The following SGCD variants were observed in gnomAD, a reference collection of about 807,000 sequenced individuals.
The protein encoded by SGCD is sarcoglycan delta.
In SGCD, 18 loss-of-function variants were observed where a neutral mutation model predicts 36.6. That is an observed-to-expected ratio of 0.49 (90% CI 0.34 to 0.73). SGCD has a LOEUF of 0.73. Ranked by LOEUF, SGCD falls within the 30% of genes least tolerant of loss-of-function variation. SGCD has a pLI of 0.01. For synonymous variants in SGCD, 133 were observed against 130.6 expected, an observed-to-expected ratio of 1.02 and a Z score of -0.12; for missense variants, 387 against 346.7, an observed-to-expected ratio of 1.12 and a Z score of -0.92.
In SGCD at chr5:155,983,399, G is replaced by A. The variant is rs537261549; in HGVS notation, c.-282+112975G>A. 1.5e-3 allele frequency among the ~76,000 whole-genome samples: 232 copies of A among 152,192 alleles called. 1 individual carries two copies. The highest frequency in any genetic ancestry group is 5.2e-3 in the African/African-American group (218 of 41,530). The stretch of plus-strand genomic sequence containing the variant: ...ACTGCAACCTCCACCTCCCAGGTTC[G>A]AGTGATTCTCCTGTCTCAGCCTCCC... On this transcript the variant is annotated intron_variant, in intron 1 of 9. Coordinates refer to the SGCD transcript ENST00000517913.
At chr5:156,725,732 G>A (rs1307370582) in intron 7 of SGCD, among the ~76,000 whole-genome samples, 4 of 152,200 alleles carry the variant, frequency 2.6e-5, no homozygotes, top group Non-Finnish European at 5.9e-5. Flanking sequence ...TCTGCCCACT[G>A]CCTGCTCAGC....
chr5:156,304,476 A>T (rs1031994667), intron 3 of SGCD, among the ~76,000 whole-genome samples: 2 of 152,118 alleles, frequency 1.3e-5, no homozygotes, highest in African/African-American at 4.8e-5. Context: ...CTTGCCTTCC[A>T]CCATGATTAT....
chr5:156,437,077 TA>T (rs1409679110), intron 3 of SGCD, among the ~76,000 whole-genome samples: 3 of 152,154 alleles, frequency 2.0e-5, no homozygotes, highest in African/African-American at 7.2e-5. Flanking sequence ...TACCAAACAT[TA>T]TCCTTTAAAA....
intron 3 of SGCD, among the ~76,000 whole-genome samples, chr5:156,306,410 G>C (rs1477325036): frequency 1.3e-5 from 2 of 152,210 alleles, no homozygotes; most frequent in Non-Finnish European, 1.5e-5. Context: ...CTTCTGCTGT[G>C]ATTGTGGGGC....
At chr5:156,528,926 G>T (rs1381050895) in intron 4 of SGCD, among the ~76,000 whole-genome samples, 4 of 152,138 alleles carry the variant, frequency 2.6e-5, no homozygotes, top group Non-Finnish European at 5.9e-5. Context: ...CATCCCAGCT[G>T]TCTAGAATGA....
At chr5:156,522,350 AAGAT>A (rs1324008856) in intron 4 of SGCD, among the ~76,000 whole-genome samples, 5 of 152,190 alleles carry the variant, frequency 3.3e-5, no homozygotes, top group Admixed American at 2.0e-4. Flanking sequence ...AATAATAAAA[AAGAT>A]ACTAAAAAAG....
At chr5:156,179,145 T>C (rs189326576) in intron 3 of SGCD, among the ~76,000 whole-genome samples, 252 of 152,348 alleles carry the variant, frequency 1.7e-3, no homozygotes, top group Non-Finnish European at 2.0e-3. Flanking sequence ...ATGTGTTTTA[T>C]AGACATTTGG....
chr5:156,292,594 C>T (rs1281946606), intron 3 of SGCD, among the ~76,000 whole-genome samples: 2 of 152,054 alleles, frequency 1.3e-5, no homozygotes, highest in Non-Finnish European at 2.9e-5. Flanking sequence ...ACTCTGCTTT[C>T]CATTATTTTT....
intron 4 of SGCD, among the ~76,000 whole-genome samples, chr5:156,524,285 A>C (rs1338294968): frequency 2.0e-5 from 2 of 98,834 alleles, no homozygotes; most frequent in African/African-American, 8.0e-5. Context: ...TAATATATAT[A>C]GTTATATATA....
chr5:155,869,962 C>T (rs549244497), upstream of SGCD, among the ~76,000 whole-genome samples: 3 of 152,206 alleles, frequency 2.0e-5, no homozygotes, highest in East Asian at 3.9e-4. Flanking sequence ...GATCGCACTA[C>T]TGCACTCCTG....
chr5:156,362,571 G>A (rs540352803), intron 3 of SGCD, among the ~76,000 whole-genome samples: 19 of 152,212 alleles, frequency 1.2e-4, no homozygotes, highest in Admixed American at 4.6e-4. Context: ...ACTTGAACCC[G>A]GGAGGCAGAG....
chr5:156,550,344 T>C (rs147486216), intron 4 of SGCD, among the ~76,000 whole-genome samples: 1 of 152,322 alleles, frequency 6.6e-6, no homozygotes, highest in Non-Finnish European at 1.5e-5. Context: ...AGGGCTTTCT[T>C]TTCATGAGCA....
intron 3 of SGCD, among the ~76,000 whole-genome samples, chr5:156,467,910 G>C (rs928366775): frequency 7.9e-5 from 12 of 152,222 alleles, no homozygotes; most frequent in African/African-American, 2.7e-4. Flanking sequence ...AAGTGTATGT[G>C]AACTGTGGTG....
At chr5:156,299,031 G>T (rs576253117) in intron 3 of SGCD, among the ~76,000 whole-genome samples, 1 of 152,270 alleles carries the variant, frequency 6.6e-6, no homozygotes, top group South Asian at 2.1e-4. Flanking sequence ...ATGTCCTGGA[G>T]ATTTTCTCCA....
chr5:156,494,193 C>G (rs1362506806), intron 3 of SGCD, among the ~76,000 whole-genome samples: 1 of 152,080 alleles, frequency 6.6e-6, no homozygotes, highest in Non-Finnish European at 1.5e-5. Flanking sequence ...TGAAGCAAAT[C>G]AAATGTGCAT....
intron 3 of SGCD, among the ~76,000 whole-genome samples, chr5:156,289,291 T>C (rs1766696964): frequency 6.9e-6 from 1 of 144,002 alleles, no homozygotes; most frequent in African/African-American, 3.0e-5. Context: ...CCCTTATTTT[T>C]ACTTTATTTT....
chr5:156,692,896 G>A (rs1754172476), intron 7 of SGCD, among the ~76,000 whole-genome samples: 1 of 152,162 alleles, frequency 6.6e-6, no homozygotes, highest in Admixed American at 6.6e-5. Context: ...TTGGAAGTAT[G>A]CAAAATCCTC....
At chr5:156,637,163 C>T (rs1290449531) in intron 6 of SGCD, among the ~76,000 whole-genome samples, 1 of 152,010 alleles carries the variant, frequency 6.6e-6, no homozygotes, top group Non-Finnish European at 1.5e-5. Flanking sequence ...GGGCTTTTCC[C>T]CATTTTGCTC....
At chr5:156,294,854 C>A (rs1276441784) in intron 3 of SGCD, among the ~76,000 whole-genome samples, 1 of 152,100 alleles carries the variant, frequency 6.6e-6, no homozygotes, top group African/African-American at 2.4e-5. Context: ...AGTTTATAAT[C>A]TTTACAATAT....
Sources: gnomAD v4.1 joint callset for allele counts (sites outside exome capture counted in the v4.1 genomes callset) on GRCh38, gnomAD v4.1.1 for gene constraint, MANE v1.5 for transcripts, NCBI Gene and HGNC (gene_info 2026-07-23, HGNC 2026-07-21) for gene names.